Variants in FBXO34 observed in about 807,000 individuals in gnomAD.
FBXO34 encodes F-box protein 34.
A neutral mutation model predicts 24.5 loss-of-function variants in FBXO34; 12 were observed. The observed-to-expected ratio is 0.49, with a 90% CI of 0.31 to 0.79. The LOEUF (loss-of-function observed/expected upper bound fraction) is 0.79, where lower values mean the gene tolerates loss of function less well. Ranked by LOEUF, FBXO34 falls within the 30% of genes least tolerant of loss-of-function variation. FBXO34 has a pLI of 0.04. For synonymous variants in FBXO34, 320 were observed against 311.9 expected (o/e 1.03, Z -0.27); for missense variants, 823 against 857.7 (o/e 0.96, Z 0.51).
chr14:55,297,202 G>A (rs966511164), intron 1 of FBXO34, among the ~76,000 whole-genome samples: 2 of 152,180 alleles, frequency 1.3e-5, no homozygotes, highest in African/African-American at 4.8e-5. Context: ...TCTTTGTTAG[G>A]AAAGTGATTT....
At chr14:55,396,579 G>A in the FBXO34 span, among the ~76,000 whole-genome samples, 1 of 152,184 alleles carries the variant, frequency 6.6e-6, no homozygotes, top group African/African-American at 2.4e-5. Flanking sequence ...TTCATCGGGG[G>A]TGTGAGACAT....
chr14:55,369,965 A>G, downstream of FBXO34: 1 of 1,528,544 alleles, frequency 6.5e-7, no homozygotes, highest in South Asian at 1.3e-5. Flanking sequence ...GATAACAACC[A>G]TTCTCAACAC....
chr14:55,339,410 C>A (rs1419097878), intron 1 of FBXO34: 1 of 136,222 alleles, frequency 7.3e-6, no homozygotes, highest in Non-Finnish European at 1.5e-5. Flanking sequence ...CTATGCTAAC[C>A]TGGTTCCAAA....
At chr14:55,378,132 A>C in the FBXO34 span, 2 of 1,479,544 alleles carry the variant, frequency 1.4e-6, no homozygotes, top group East Asian at 2.3e-5. Context: ...TCTATGTTAA[A>C]ATTTCCATTT....
At chr14:55,298,750 TC>T (rs1196436878) in intron 1 of FBXO34, 37 of 1,572,758 alleles carry the variant, frequency 2.4e-5, no homozygotes, top group South Asian at 1.9e-4. Flanking sequence ...AAACAGGAGT[TC>T]CTGGAGAAGA....
chr14:55,322,535 T>C (rs1182895113), intron 1 of FBXO34, among the ~76,000 whole-genome samples: 1 of 152,124 alleles, frequency 6.6e-6, no homozygotes. Context: ...GGGGTCTCGC[T>C]CTGTTCCCTA....
the FBXO34 span, among the ~76,000 whole-genome samples, chr14:55,412,577 G>A: frequency 1.3e-5 from 2 of 152,138 alleles, no homozygotes; most frequent in African/African-American, 4.8e-5. Flanking sequence ...GGATATATAA[G>A]GTGATGTGTT....
the FBXO34 span, chr14:55,386,142 C>A: frequency 4.3e-5 from 65 of 1,506,762 alleles, no homozygotes; most frequent in Non-Finnish European, 5.6e-5. Context: ...GCAAACAGTT[C>A]CTGTGTACTG....
chr14:55,293,573 TG>T (rs1882018412), intron 1 of FBXO34, among the ~76,000 whole-genome samples: 2 of 152,016 alleles, frequency 1.3e-5, no homozygotes, highest in South Asian at 4.1e-4. Flanking sequence ...CTCACTTATC[TG>T]GAGGTAAGAT....
In FBXO34 at chr14:55,351,372, A is replaced by G; in HGVS notation, c.982A>G (p.Thr328Ala). 1.2e-6 allele frequency: 2 copies of G among 1,614,182 alleles called. No individual in the cohort carries two copies. Among genetic ancestry groups the G allele is most frequent in the Non-Finnish European group, 1.7e-6 (2 of 1,180,024 alleles). The part of the protein sequence containing the change: ...ANSTQADEGK[T>A]KKGVLEAPDT... ...TAGCACTCAGGCTGATGAAGGCAAA[A>G]CAAAGAAAGGCGTCTTGGAGGCACC... Residue 328 changes from threonine to alanine, a missense_variant, in exon 2 of 2, where the codon ACA becomes GCA. Transcript: ENST00000313833.
chr14:55,330,680 A>G (rs1232848619), intron 1 of FBXO34, among the ~76,000 whole-genome samples: 2 of 152,002 alleles, frequency 1.3e-5, no homozygotes, highest in Non-Finnish European at 2.9e-5. Flanking sequence ...GGTCCCAGCT[A>G]CTTGGGAGGC....
At chr14:55,429,747 CA>C in the FBXO34 span, among the ~76,000 whole-genome samples, 1 of 63,160 alleles carries the variant, frequency 1.6e-5, no homozygotes, top group African/African-American at 6.2e-5. Flanking sequence ...GCCTAGGCAA[CA>C]AGAGTGAAAC....
intron 1 of FBXO34, among the ~76,000 whole-genome samples, chr14:55,327,906 T>G: frequency 7.5e-6 from 1 of 134,172 alleles, no homozygotes; most frequent in South Asian, 2.4e-4. Flanking sequence ...TTGTTGTTGT[T>G]GGTTTTTTTT....
At chr14:55,345,695 G>A (rs1321429158) in intron 1 of FBXO34, among the ~76,000 whole-genome samples, 1 of 152,130 alleles carries the variant, frequency 6.6e-6, no homozygotes, top group African/African-American at 2.4e-5. Flanking sequence ...GAGCGGTTAG[G>A]ACATTTCTGA....
At chr14:55,321,050 A>AC (rs1883116735) in intron 1 of FBXO34, among the ~76,000 whole-genome samples, 1 of 145,956 alleles carries the variant, frequency 6.9e-6, no homozygotes, top group African/African-American at 2.5e-5. Flanking sequence ...AGAGAAAATG[A>AC]CCAAGGGTAG....
At chr14:55,423,936 T>C in the FBXO34 span, among the ~76,000 whole-genome samples, 2 of 152,204 alleles carry the variant, frequency 1.3e-5, no homozygotes, top group Admixed American at 1.3e-4. Flanking sequence ...AAAATCAGGA[T>C]GTAAAGATGA....
chr14:55,378,616 T>C, the FBXO34 span, among the ~76,000 whole-genome samples: 1 of 151,756 alleles, frequency 6.6e-6, no homozygotes, highest in East Asian at 1.9e-4. Context: ...CCTCCCTTCC[T>C]CCCTCCCTCC....
At chr14:55,412,102 T>C in the FBXO34 span, among the ~76,000 whole-genome samples, 2 of 152,202 alleles carry the variant, frequency 1.3e-5, no homozygotes, top group Admixed American at 1.3e-4. Context: ...CTCAAACTTG[T>C]GCAGAAAATT....
chr14:55,437,145 G>A, the FBXO34 span: 1 of 787,034 alleles, frequency 1.3e-6, no homozygotes, highest in Non-Finnish European at 2.1e-6. Flanking sequence ...AAGATTGCTT[G>A]TATTCATGCA....
Sources: allele counts gnomAD v4.1 joint callset (sites outside exome capture counted in the v4.1 genomes callset), GRCh38; gene constraint gnomAD v4.1.1; transcripts MANE v1.5; gene names NCBI Gene and HGNC (gene_info 2026-07-23, HGNC 2026-07-21).